MANBA: variants seen among roughly 807,000 people sequenced by gnomAD.
The protein encoded by MANBA is beta-mannosidase.
A neutral mutation model predicts 111.1 loss-of-function variants in MANBA; 83 were observed. The observed-to-expected ratio is 0.75, with a 90% CI of 0.63 to 0.90. The LOEUF (loss-of-function observed/expected upper bound fraction) is 0.90. MANBA is among the 40% of genes least tolerant of loss of function. The pLI, the probability that MANBA is intolerant of heterozygous loss-of-function variation, is 0.00. For synonymous variants in MANBA, 370 were observed against 378.7 expected (o/e 0.98, Z 0.27); for missense variants, 1,036 against 1,069.0 (o/e 0.97, Z 0.43).
intron 14 of MANBA, among the ~76,000 whole-genome samples, chr4:102,639,512 T>C (rs1729772903): frequency 6.6e-6 from 1 of 152,178 alleles, no homozygotes; most frequent in Non-Finnish European, 1.5e-5. Flanking sequence ...GAACCCATAA[T>C]TAGGTTGACC....
chr4:102,756,452 A>C (rs1724021274), intron 1 of MANBA, among the ~76,000 whole-genome samples: 1 of 152,108 alleles, frequency 6.6e-6, no homozygotes, highest in African/African-American at 2.4e-5. Flanking sequence ...GATGGGGAAC[A>C]TCACACACTG....
intron 1 of MANBA, among the ~76,000 whole-genome samples, chr4:102,747,867 C>CCA (rs1300457627): frequency 1.3e-5 from 2 of 152,162 alleles, no homozygotes; most frequent in Non-Finnish European, 2.9e-5. Flanking sequence ...TTTGCTTGGC[C>CCA]CACTACAAGT....
chr4:102,734,703 C>A, intron 1 of MANBA: 1 of 904,292 alleles, frequency 1.1e-6, no homozygotes, highest in Non-Finnish European at 1.7e-6. Context: ...CCCTCTCCAT[C>A]CCAGGTTCAG....
At chr4:102,642,896 A>G (rs534865372) in intron 13 of MANBA, among the ~76,000 whole-genome samples, 1 of 152,278 alleles carries the variant, frequency 6.6e-6, no homozygotes, top group Admixed American at 6.5e-5. Context: ...ATATCTATAT[A>G]CTTTATTTAC....
At chr4:102,633,616 C>A (rs5026472) in intron 16 of MANBA, 1 of 392,106 alleles carries the variant, frequency 2.6e-6, no homozygotes. Flanking sequence ...AAGGACAAGT[C>A]TCACTGAAAT....
chr4:102,633,580 T>G (rs2110187037), intron 16 of MANBA: 1 of 396,764 alleles, frequency 2.5e-6, no homozygotes, highest in East Asian at 3.6e-5. Context: ...CTAACAGTAT[T>G]ATTACTATCA....
intron 11 of MANBA, among the ~76,000 whole-genome samples, chr4:102,661,739 C>T (rs905112620): frequency 1.3e-5 from 2 of 152,146 alleles, no homozygotes; most frequent in Non-Finnish European, 2.9e-5. Flanking sequence ...ATCCTTTATT[C>T]TTGAGGTGTG....
intron 5 of MANBA, among the ~76,000 whole-genome samples, chr4:102,705,707 C>G (rs929525843): frequency 2.6e-5 from 4 of 152,168 alleles, no homozygotes; most frequent in African/African-American, 9.7e-5. Flanking sequence ...CATCCTATGC[C>G]TGCCTACCAC....
intron 1 of MANBA, among the ~76,000 whole-genome samples, chr4:102,740,363 A>G (rs995442142): frequency 1.3e-5 from 2 of 152,228 alleles, no homozygotes; most frequent in Non-Finnish European, 2.9e-5. Context: ...GAAAATGACC[A>G]TACTGCCAAA....
chr4:102,657,914 T>C lies in MANBA; in HGVS notation c.1486-14A>G. On this transcript the variant is annotated splice_polypyrimidine_tract_variant and intron_variant, in intron 11 of 16. Transcript: ENST00000647097. ...ACTCTTGTCTCCCTGAGTTCAGAAA[T>C]AAAATGAATTCAAGGATAATATATT... is the stretch of plus-strand genomic sequence containing the variant. 1 of 1,496,948 alleles carries C rather than the reference T, an allele frequency of 6.7e-7. No homozygotes were observed. The highest frequency in any genetic ancestry group is 9.3e-7 in the Non-Finnish European group (1 of 1,073,236). The allele number at this position is 1,496,948 out of a possible 1,614,324, so 92.7% of individuals were successfully genotyped here. A position where few individuals can be genotyped will look rare whatever the true frequency, so the allele number is the denominator to read the frequency against.
intron 5 of MANBA, among the ~76,000 whole-genome samples, chr4:102,692,499 T>C (rs1453390612): frequency 6.6e-6 from 1 of 152,164 alleles, no homozygotes; most frequent in African/African-American, 2.4e-5. Context: ...TTTTTATTTT[T>C]AAACAAGATA....
chr4:102,684,285 AG>A (rs1394189185), intron 7 of MANBA, among the ~76,000 whole-genome samples: 1 of 152,180 alleles, frequency 6.6e-6, no homozygotes, highest in African/African-American at 2.4e-5. Flanking sequence ...TGAAATAAGG[AG>A]GGGCTGGTGA....
At chr4:102,731,959 G>C (rs545409297) in intron 1 of MANBA, among the ~76,000 whole-genome samples, 2 of 151,906 alleles carry the variant, frequency 1.3e-5, no homozygotes, top group South Asian at 4.2e-4. Context: ...CCAGGCTGGA[G>C]TGTAATGGCG....
chr4:102,658,935 A>T (rs879650564), intron 11 of MANBA: 3 of 152,218 alleles, frequency 2.0e-5, no homozygotes, highest in Non-Finnish European at 4.4e-5. Flanking sequence ...AGTTACTATC[A>T]TCTCAGTAGA....
intron 5 of MANBA, among the ~76,000 whole-genome samples, chr4:102,700,334 A>T (rs1237345947): frequency 2.0e-5 from 3 of 151,740 alleles, no homozygotes; most frequent in Admixed American, 6.6e-5. Flanking sequence ...AATTTTTTGA[A>T]GGGTTTTTTG....
At chr4:102,672,091 T>C in intron 8 of MANBA, 5 of 398,658 alleles carry the variant, frequency 1.3e-5, no homozygotes, top group Non-Finnish European at 1.8e-5. Context: ...AGGAAAAAGA[T>C]AGAGCCAATT....
chr4:102,726,816 C>T, intron 1 of MANBA, 133 bp from the exon 2 acceptor site: 1 of 640,628 alleles, frequency 1.6e-6, no homozygotes, highest in East Asian at 2.8e-5. Context: ...CCTAGTAGTA[C>T]AAAGAGGGGA....
At chr4:102,680,639 G>T (rs1393852283) in intron 7 of MANBA, among the ~76,000 whole-genome samples, 1 of 151,902 alleles carries the variant, frequency 6.6e-6, no homozygotes, top group Non-Finnish European at 1.5e-5. Flanking sequence ...ATTCCACAAG[G>T]CTCAGAGAAT....
chr4:102,697,403 T>C (rs1436116335), intron 5 of MANBA, among the ~76,000 whole-genome samples: 8 of 151,990 alleles, frequency 5.3e-5, no homozygotes, highest in Non-Finnish European at 1.0e-4. Context: ...ATGTGCACAA[T>C]GTGCAGGTTA....
Sources: gnomAD v4.1 joint callset for allele counts (sites outside exome capture counted in the v4.1 genomes callset) on GRCh38, gnomAD v4.1.1 for gene constraint, MANE v1.5 for transcripts, NCBI Gene and HGNC (gene_info 2026-07-23, HGNC 2026-07-21) for gene names.